Variants in MBOAT2 observed in about 807,000 individuals in gnomAD.
MBOAT2 encodes the protein membrane-bound glycerophospholipid O-acyltransferase 2.
In MBOAT2, 28 loss-of-function variants were observed where a neutral mutation model predicts 63.4. The observed-to-expected ratio is 0.44, with a 90% CI of 0.33 to 0.61. The LOEUF is 0.61. Among genes scored for constraint, MBOAT2 ranks in the 20% least tolerant of loss-of-function variants. MBOAT2 has a pLI of 0.03. For synonymous variants in MBOAT2, 211 were observed against 215.6 expected (o/e 0.98, Z 0.19); for missense variants, 470 against 605.8 (o/e 0.78, Z 2.35).
chr2:8,865,698 A>C (rs1347144473), intron 9 of MBOAT2, among the ~76,000 whole-genome samples: 1 of 152,160 alleles, frequency 6.6e-6, no homozygotes, highest in African/African-American at 2.4e-5. Context: ...GAGTTGTGTA[A>C]TCTGGCCTTT....
At chr2:8,921,433 A>G (rs1270733013) in intron 3 of MBOAT2, among the ~76,000 whole-genome samples, 1 of 152,224 alleles carries the variant, frequency 6.6e-6, no homozygotes, top group African/African-American at 2.4e-5. Flanking sequence ...CAAATAATAC[A>G]GTATTATAAT....
intron 1 of MBOAT2, among the ~76,000 whole-genome samples, chr2:9,001,133 C>T (rs922143233): frequency 8.5e-5 from 13 of 152,130 alleles, no homozygotes; most frequent in African/African-American, 3.1e-4. Flanking sequence ...TCATGTCCTA[C>T]AATAACAATG....
At chr2:8,934,667 A>C (rs1490727432) in intron 3 of MBOAT2, among the ~76,000 whole-genome samples, 5 of 152,224 alleles carry the variant, frequency 3.3e-5, no homozygotes, top group Admixed American at 1.3e-4. Context: ...CCTTTATTCC[A>C]AACCCCTGAA....
intron 1 of MBOAT2, among the ~76,000 whole-genome samples, chr2:8,964,904 T>C (rs1186997515): frequency 6.6e-6 from 1 of 152,242 alleles, no homozygotes. Context: ...CTTTGCCCAT[T>C]ATTCTATCAG....
intron 3 of MBOAT2, among the ~76,000 whole-genome samples, chr2:8,925,519 C>A (rs773450688): frequency 1.3e-5 from 2 of 152,176 alleles, no homozygotes; most frequent in Admixed American, 6.5e-5. Context: ...GCTGTCATAG[C>A]CTCTTAGAAA....
intron 1 of MBOAT2, among the ~76,000 whole-genome samples, chr2:8,969,036 C>G (rs573270997): frequency 6.6e-6 from 1 of 151,310 alleles, no homozygotes; most frequent in South Asian, 2.1e-4. Context: ...GAATGCCACT[C>G]CTCGAGAAGT....
intron 1 of MBOAT2, among the ~76,000 whole-genome samples, chr2:8,971,748 G>C (rs2103311629): frequency 6.6e-6 from 1 of 152,242 alleles, no homozygotes; most frequent in East Asian, 1.9e-4. Flanking sequence ...GCCAAATCAT[G>C]AGTGAACTCC....
chr2:8,883,888 A>G (rs1024531857), intron 5 of MBOAT2, among the ~76,000 whole-genome samples: 2 of 152,086 alleles, frequency 1.3e-5, no homozygotes, highest in Admixed American at 1.3e-4. Context: ...TTATGTAAAA[A>G]GAAAACCATG....
rs62119982 is a variant in MBOAT2, at chr2:8,965,001, C to T, written c.76-6359G>A. The stretch of plus-strand genomic sequence containing the variant: ...TGCAAATAGCATCTCTCTCAGTCTA[C>T]AGCTTAGTCTTGTATCTTTGTTTAT... On this transcript the variant is annotated intron_variant, in intron 1 of 12. Transcript: ENST00000305997. Among the ~76,000 whole-genome samples the T allele has an allele frequency of 3.5e-3, 532 of 152,248 alleles. 3 individuals are homozygous for T. The highest frequency in any genetic ancestry group is 0.012 in the African/African-American group (495 of 41,550).
intron 3 of MBOAT2, among the ~76,000 whole-genome samples, chr2:8,915,536 G>GTT (rs920491611): frequency 6.6e-6 from 1 of 151,940 alleles, no homozygotes; most frequent in Admixed American, 6.6e-5. Context: ...GGGTTTTTTT[G>GTT]TTTTGTTTTG....
chr2:8,999,526 T>C (rs6720600), intron 1 of MBOAT2, among the ~76,000 whole-genome samples: 6,419 of 152,320 alleles, frequency 0.042, 366 homozygotes, highest in African/African-American at 0.13. Flanking sequence ...TTAATTATTT[T>C]GTTTCATTTT....
intron 1 of MBOAT2, among the ~76,000 whole-genome samples, chr2:8,992,896 C>T (rs757592170): frequency 6.6e-6 from 1 of 152,174 alleles, no homozygotes; most frequent in Non-Finnish European, 1.5e-5. Flanking sequence ...CTTTGAGCTG[C>T]TCTGGGAGGA....
At chr2:8,985,736 C>T (rs1326023896) in intron 1 of MBOAT2, among the ~76,000 whole-genome samples, 2 of 152,188 alleles carry the variant, frequency 1.3e-5, no homozygotes, top group Non-Finnish European at 2.9e-5. Flanking sequence ...CACTCTGCAC[C>T]ACACCCGCCA....
chr2:8,887,883 C>A, intron 5 of MBOAT2, 135 bp downstream of exon 5: 1 of 807,864 alleles, frequency 1.2e-6, no homozygotes, highest in Non-Finnish European at 2.1e-6. Context: ...ATCCTAAGCA[C>A]AGTTAAGTAT....
chr2:8,865,497 A>C (rs934673975), intron 9 of MBOAT2, among the ~76,000 whole-genome samples: 12 of 152,136 alleles, frequency 7.9e-5, no homozygotes, highest in Non-Finnish European at 1.8e-4. Context: ...GACTTCAATC[A>C]ATAGGTCTCT....
chr2:8,965,101 A>G lies in MBOAT2; in HGVS notation c.76-6459T>C, dbSNP rs370948150. Among the ~76,000 whole-genome samples the G allele has an allele frequency of 2.6e-5, 4 of 152,332 alleles. No individual in the cohort carries two copies. In the East Asian group the frequency reaches 7.7e-4, roughly 29 times the overall value. ...TTTTTATTTTTGCAGTATACATACA[A>G]CTGTATTACACGAATACATGGACAC... is the stretch of plus-strand genomic sequence containing the variant. On this transcript the variant is annotated intron_variant, in intron 1 of 12. Coordinates refer to ENST00000305997, the MANE Select transcript of MBOAT2 (RefSeq NM_138799.4).
intron 1 of MBOAT2, chr2:8,974,281 G>T: frequency 2.3e-6 from 1 of 443,540 alleles, no homozygotes; most frequent in Non-Finnish European, 4.6e-6. Context: ...CTGCAATTCT[G>T]TTCAATGAGA....
intron 1 of MBOAT2, among the ~76,000 whole-genome samples, chr2:8,960,520 TGAGG>T (rs1322753794): frequency 6.6e-6 from 1 of 152,098 alleles, no homozygotes; most frequent in Admixed American, 6.5e-5. Context: ...ACAAAGGATG[TGAGG>T]GGTAAGCAGG....
At chr2:8,940,294 TC>T (rs201714573) in intron 3 of MBOAT2, among the ~76,000 whole-genome samples, 1,932 of 152,254 alleles carry the variant, frequency 0.013, 17 homozygotes, top group Middle Eastern at 0.041. Context: ...TTCTTTTTTT[TC>T]CTCTCTCTTT....
Sources: allele counts gnomAD v4.1 joint callset (sites outside exome capture counted in the v4.1 genomes callset), GRCh38; gene constraint gnomAD v4.1.1; transcripts MANE v1.5; gene names NCBI Gene and HGNC (gene_info 2026-07-23, HGNC 2026-07-21).